Variants in RPRD2 observed in about 807,000 individuals in gnomAD.
RPRD2 encodes regulation of nuclear pre-mRNA domain-containing protein 2.
In RPRD2, 12 loss-of-function variants were observed where a neutral mutation model predicts 104.4. The ratio of observed to expected loss-of-function variants is 0.11; its 90% CI spans 0.07 to 0.19. The LOEUF is 0.19. RPRD2 is among the 10% of genes least tolerant of loss of function. The pLI, the probability that RPRD2 is intolerant of heterozygous loss-of-function variation, is 1.00. For missense variants in RPRD2, 1,543 were observed against 1,790.1 expected (o/e 0.86, Z 2.49); for synonymous variants, 714 against 684.9 (o/e 1.04, Z -0.66).
intron 1 of RPRD2, among the ~76,000 whole-genome samples, chr1:150,387,637 G>C (rs1373895440): frequency 8.4e-6 from 1 of 118,494 alleles, no homozygotes; most frequent in Non-Finnish European, 1.6e-5. Context: ...TGTCACCCAG[G>C]CTGGAGTGCA....
chr1:150,430,649 G>A (rs1388378505), intron 2 of RPRD2, among the ~76,000 whole-genome samples: 1 of 152,200 alleles, frequency 6.6e-6, no homozygotes, highest in Non-Finnish European at 1.5e-5. Flanking sequence ...ACACTGTCTG[G>A]CTGGGCGTGG....
rs374747291 is a variant in RPRD2, at chr1:150,471,966, G to A, written c.3018G>A (p.Thr1006=). The stretch of plus-strand genomic sequence containing the variant: ...CCTCCACCATTTCCACCACGTCGAC[G>A]ATTGAATTTAAGAATATGCTTAAAA... ...VLASTISTTS[T]IEFKNMLKNA... The change falls in exon 11 of 11, where the codon ACG becomes ACA. Residue 1006 remains threonine, a synonymous_variant. Coordinates refer to ENST00000369068, the MANE Select transcript of RPRD2 (RefSeq NM_015203.5). This position sits in a 1 kb window ranked among gnomAD's most constrained non-coding sequence, Gnocchi z 5.3. The A allele has an allele frequency of 2.7e-5, 43 of 1,613,770 alleles. No homozygotes were observed. In the African/African-American group the frequency reaches 3.9e-4, roughly 15 times the overall value.
chr1:150,408,454 C>T (rs1409026732), intron 1 of RPRD2, among the ~76,000 whole-genome samples: 3 of 152,082 alleles, frequency 2.0e-5, no homozygotes, highest in East Asian at 3.9e-4. Flanking sequence ...GCGCCTGGCC[C>T]GCCTATACAT....
chr1:150,407,870 T>C (rs1386258125), intron 1 of RPRD2, among the ~76,000 whole-genome samples: 1 of 152,172 alleles, frequency 6.6e-6, no homozygotes, highest in Non-Finnish European at 1.5e-5. Context: ...CCAGAGGGTA[T>C]GTTATGGACG....
At chr1:150,402,978 AAAAC>A (rs1366440667) in intron 1 of RPRD2, among the ~76,000 whole-genome samples, 1 of 151,468 alleles carries the variant, frequency 6.6e-6, no homozygotes, top group African/African-American at 2.4e-5. Flanking sequence ...CAAAAAAACA[AAAAC>A]AAAAAAGATC....
At chr1:150,448,103 G>C (rs1397462424) in intron 7 of RPRD2, among the ~76,000 whole-genome samples, 1 of 152,072 alleles carries the variant, frequency 6.6e-6, no homozygotes, top group Admixed American at 6.6e-5. Context: ...ATCCCTATTT[G>C]CTCCCATTAG....
At chr1:150,368,325 C>G (rs1175425468) in intron 1 of RPRD2, among the ~76,000 whole-genome samples, 7 of 147,496 alleles carry the variant, frequency 4.7e-5, no homozygotes, top group African/African-American at 1.5e-4. Flanking sequence ...TGGAATTTCG[C>G]TTTGTCGTCC....
At chr1:150,431,760 C>T (rs972348680) in intron 2 of RPRD2, among the ~76,000 whole-genome samples, 2 of 151,948 alleles carry the variant, frequency 1.3e-5, no homozygotes, top group Admixed American at 6.6e-5. Flanking sequence ...GGATTACAGG[C>T]GTGAGCCACT....
At chr1:150,452,963 A>G (rs2102393567) in intron 7 of RPRD2, among the ~76,000 whole-genome samples, 1 of 149,186 alleles carries the variant, frequency 6.7e-6, no homozygotes, top group East Asian at 2.0e-4. Flanking sequence ...AGCCACTGGC[A>G]CCACTTTTTT....
chr1:150,427,057 A>C (rs1665182712), intron 2 of RPRD2, among the ~76,000 whole-genome samples: 3 of 152,182 alleles, frequency 2.0e-5, no homozygotes. Context: ...AGGCAGGAGA[A>C]TCACTTGAAC....
chr1:150,459,919 A>G lies in RPRD2; in HGVS notation c.1154-141A>G, dbSNP rs1667808976. On this transcript the variant is annotated intron_variant, in intron 8 of 10. Coordinates refer to ENST00000369068, the MANE Select transcript of RPRD2 (RefSeq NM_015203.5). ...ATTATGAAGAGTATGACTTTTTCAA[A>G]AAAGCATGAAGTGAGTCGTTGTTTT... 3 of 727,846 alleles carry G rather than the reference A, an allele frequency of 4.1e-6. No individual in the cohort carries two copies. In the South Asian group the frequency reaches 5.8e-5, roughly 14 times the overall value. The allele number at this position is 727,846 out of a possible 1,614,324, so 45.1% of individuals were successfully genotyped here. A position where few individuals can be genotyped will look rare whatever the true frequency, so the allele number is the denominator to read the frequency against.
Position 150,472,457 on chromosome 1 carries a change from G to C in RPRD2, c.3509G>C (p.Arg1170Pro), listed in dbSNP as rs1399285670. ...TGFKTAPYKERAPQFQESVGS... is the reference protein window; with the variant it reads ...TGFKTAPYKEPAPQFQESVGS... ...TTTAAAACAGCACCATACAAGGAACGGGCACCTCAATTTCAGGAGAGTGTC... is the reference window on the plus strand; with the variant it reads ...TTTAAAACAGCACCATACAAGGAACCGGCACCTCAATTTCAGGAGAGTGTC... Residue 1170 changes from arginine to proline, a missense_variant, in exon 11 of 11, where the codon CGG becomes CCG. Physicochemically the swap from Arg to Pro is moderately radical, Grantham distance 103 (BLOSUM62 -2). Coordinates refer to ENST00000369068, the MANE Select transcript of RPRD2 (RefSeq NM_015203.5). The C allele has an allele frequency of 1.9e-6, 3 of 1,613,916 alleles. No individual in the cohort carries two copies. The highest frequency in any genetic ancestry group is 2.5e-6 in the Non-Finnish European group (3 of 1,179,880).
At chr1:150,416,559 T>C (rs912886053) in intron 1 of RPRD2, among the ~76,000 whole-genome samples, 2 of 151,968 alleles carry the variant, frequency 1.3e-5, no homozygotes, top group African/African-American at 4.8e-5. Context: ...TGATGGGGCT[T>C]TGTCATGAAC....
chr1:150,414,256 G>A lies in RPRD2; in HGVS notation c.206-3340G>A, dbSNP rs190393062. ...TTATGCTGATAGCATTCCATTTGCT[G>A]TGTATTAAGCCCTATCTTAATTGTT... On this transcript the variant is annotated intron_variant, in intron 1 of 10. Coordinates refer to ENST00000369068, the MANE Select transcript of RPRD2 (RefSeq NM_015203.5). Among the ~76,000 whole-genome samples, 61 of 152,254 alleles carry A rather than the reference G, an allele frequency of 4.0e-4. 2 individuals carry two copies. In the East Asian group the frequency reaches 0.011, roughly 27 times the overall value.
chr1:150,416,042 C>T (rs976116302), intron 1 of RPRD2, among the ~76,000 whole-genome samples: 3 of 152,012 alleles, frequency 2.0e-5, no homozygotes, highest in East Asian at 1.9e-4. Context: ...TGTAGCATTG[C>T]GGGCCCAGGT....
chr1:150,435,563 G>T (rs1412511828), intron 2 of RPRD2, among the ~76,000 whole-genome samples: 1 of 152,192 alleles, frequency 6.6e-6, no homozygotes, highest in Non-Finnish European at 1.5e-5. Context: ...TAGTGGCCTG[G>T]ATAGAAGATC....
intron 1 of RPRD2, among the ~76,000 whole-genome samples, chr1:150,392,282 G>A (rs1376275426): frequency 6.6e-6 from 1 of 152,156 alleles, no homozygotes; most frequent in African/African-American, 2.4e-5. Context: ...AAGATGGGTG[G>A]ATCACCTGAG....
chr1:150,421,696 A>C (rs1664767333), intron 2 of RPRD2, among the ~76,000 whole-genome samples: 1 of 152,198 alleles, frequency 6.6e-6, no homozygotes, highest in African/African-American at 2.4e-5. Flanking sequence ...GCTTAATGCC[A>C]GGTGTGATGG....
intron 1 of RPRD2, among the ~76,000 whole-genome samples, chr1:150,407,496 C>T (rs1403903762): frequency 6.6e-6 from 1 of 152,154 alleles, no homozygotes; most frequent in Non-Finnish European, 1.5e-5. Flanking sequence ...CGTCTTAGCT[C>T]AGCCTAACGT....
Sources: allele counts gnomAD v4.1 joint callset (sites outside exome capture counted in the v4.1 genomes callset), GRCh38; gene constraint gnomAD v4.1.1; non-coding constraint Gnocchi (gnomAD v3.1); transcripts MANE v1.5; gene names NCBI Gene and HGNC (gene_info 2026-07-23, HGNC 2026-07-21).